SLC8A1: variants seen among roughly 807,000 people sequenced by gnomAD.
SLC8A1 encodes solute carrier family 8 member A1, also known as sodium/calcium exchanger 1.
Under a neutral mutation model 68.3 loss-of-function variants are expected in SLC8A1, and 18 were observed. The observed-to-expected ratio is 0.26, with a 90% confidence interval of 0.18 to 0.39. SLC8A1 has a LOEUF of 0.39. SLC8A1 is among the 10% of genes least tolerant of loss of function. The pLI, the probability that SLC8A1 is intolerant of heterozygous loss-of-function variation, is 1.00. For missense variants in SLC8A1, 985 were observed against 1,156.7 expected, an observed-to-expected ratio of 0.85 and a Z score of 2.15; for synonymous variants, 475 against 415.5, an observed-to-expected ratio of 1.14 and a Z score of -1.74.
chr2:40,467,155 G>T (rs537056539), intron 1 of SLC8A1, among the ~76,000 whole-genome samples: 3 of 152,104 alleles, frequency 2.0e-5, no homozygotes, highest in African/African-American at 7.2e-5. Context: ...AGAGCACAGT[G>T]CTTATGATGC....
At chr2:40,308,668 A>G (rs1332562891) in intron 2 of SLC8A1, among the ~76,000 whole-genome samples, 2 of 152,134 alleles carry the variant, frequency 1.3e-5, no homozygotes, top group African/African-American at 2.4e-5. Context: ...AACAAAATAA[A>G]AACAAACCTC....
chr2:40,265,727 G>C (rs976279710), intron 2 of SLC8A1, among the ~76,000 whole-genome samples: 1 of 152,132 alleles, frequency 6.6e-6, no homozygotes. Context: ...TGGAGCTGCT[G>C]CTTAGATGTT....
intron 2 of SLC8A1, among the ~76,000 whole-genome samples, chr2:40,291,726 C>G (rs979563297): frequency 6.6e-6 from 1 of 152,104 alleles, no homozygotes; most frequent in African/African-American, 2.4e-5. Context: ...CAATGTCTCT[C>G]AATGCACCTT....
intron 1 of SLC8A1, among the ~76,000 whole-genome samples, chr2:40,467,203 C>T (rs981690113): frequency 1.3e-5 from 2 of 152,146 alleles, no homozygotes; most frequent in African/African-American, 4.8e-5. Flanking sequence ...AAGGGTTGCT[C>T]AGCTTCAATT....
chr2:40,342,651 C>T (rs958130299), intron 2 of SLC8A1, among the ~76,000 whole-genome samples: 2 of 152,122 alleles, frequency 1.3e-5, no homozygotes, highest in African/African-American at 4.8e-5. Context: ...ATTTAGGGAA[C>T]TTATTTAAAA....
chr2:40,127,086 C>G (rs1378757311), intron 7 of SLC8A1, among the ~76,000 whole-genome samples: 1 of 152,120 alleles, frequency 6.6e-6, no homozygotes, highest in African/African-American at 2.4e-5. Context: ...ATTTGAGGAT[C>G]AAGAATGCCA....
chr2:40,442,707 G>A lies in SLC8A1; in HGVS notation c.-25+9197C>T, dbSNP rs867138144. On this transcript the variant is annotated intron_variant, in intron 1 of 7. Transcript: ENST00000406785. ...GGAATACAGTGTGGCAATTCCTCAA[G>A]GATCCAGAACCAGAAATACCATTTG... Among the ~76,000 whole-genome samples the A allele has an allele frequency of 8.5e-5, 13 of 152,250 alleles. No individual in the cohort carries two copies. In the South Asian group the frequency reaches 1.5e-3, roughly 17 times the overall value.
chr2:40,349,443 C>T (rs1670370348), intron 2 of SLC8A1, among the ~76,000 whole-genome samples: 1 of 152,200 alleles, frequency 6.6e-6, no homozygotes, highest in Non-Finnish European at 1.5e-5. Flanking sequence ...GAATAAAAGA[C>T]TTTCTAGTTA....
chr2:40,347,192 T>C (rs574140711), intron 2 of SLC8A1, among the ~76,000 whole-genome samples: 1 of 152,312 alleles, frequency 6.6e-6, no homozygotes, highest in African/African-American at 2.4e-5. Flanking sequence ...TAGACTGCAG[T>C]GGTGCAATCA....
exon 2 of SLC8A1, chr2:40,429,045 T>C: frequency 5.6e-6 from 9 of 1,612,366 alleles, no homozygotes; most frequent in Non-Finnish European, 7.6e-6. Flanking sequence ...ATGTCCCTTG[T>C]TCAAAGAAGA....
intron 2 of SLC8A1, among the ~76,000 whole-genome samples, chr2:40,398,997 T>C (rs1424333727): frequency 6.6e-6 from 1 of 152,136 alleles, no homozygotes; most frequent in South Asian, 2.1e-4. Flanking sequence ...CTTTTAAAAA[T>C]GAAATAAGGA....
At chr2:40,377,491 A>G (rs572903994) in intron 2 of SLC8A1, among the ~76,000 whole-genome samples, 1 of 152,218 alleles carries the variant, frequency 6.6e-6, no homozygotes, top group African/African-American at 2.4e-5. Context: ...ACCAACAAAA[A>G]GCTAATATAA....
rs149804195 is a variant in SLC8A1, at chr2:40,181,426, G to A, written c.1809-3571C>T. On this transcript the variant is annotated intron_variant, in intron 2 of 7. Transcript: ENST00000406785. ...TGAAGTACTTGATAACTATGATACT[G>A]GAAAAATCAAAGATGAAGAAAAAGA... 9.3e-4 allele frequency among the ~76,000 whole-genome samples: 142 copies of A among 152,230 alleles called. 2 individuals are homozygous for A. The East Asian group carries it at 0.022, about 24-fold the overall frequency.
intron 1 of SLC8A1, among the ~76,000 whole-genome samples, chr2:40,480,439 G>T (rs553036949): frequency 2.6e-5 from 4 of 152,278 alleles, no homozygotes; most frequent in East Asian, 1.9e-4. Context: ...CAGAAAGAAG[G>T]CACCCTCTAC....
At chr2:40,453,447 A>C (rs978379479), upstream of SLC8A1, 2 of 151,788 alleles carry the variant, frequency 1.3e-5, no homozygotes, top group African/African-American at 4.8e-5. Context: ...ATAGATTCTG[A>C]CTCCAGGAAC....
intron 2 of SLC8A1, among the ~76,000 whole-genome samples, chr2:40,179,379 G>A (rs149611247): frequency 3.9e-5 from 6 of 152,270 alleles, no homozygotes; most frequent in Admixed American, 6.5e-5. Flanking sequence ...GCCTTATGGC[G>A]CTATGGCTAT....
In SLC8A1 at chr2:40,180,201, G is replaced by A. The variant is rs1573653137; in HGVS notation, c.1809-2346C>T. 2.0e-5 allele frequency among the ~76,000 whole-genome samples: 3 copies of A among 146,682 alleles called. No homozygotes were observed. The South Asian group carries it at 6.5e-4, about 32-fold the overall frequency. ...TGTATACTGTAAACAGCTCCTTCCT[G>A]ACTTTTAGAATTATTTTTTAAATTT... On this transcript the variant is annotated intron_variant, in intron 2 of 7. Coordinates refer to ENST00000406785, the Ensembl canonical transcript of SLC8A1.
At chr2:40,167,855 T>A (rs988286500) in intron 4 of SLC8A1, among the ~76,000 whole-genome samples, 47 of 152,236 alleles carry the variant, frequency 3.1e-4, no homozygotes, top group Admixed American at 9.8e-4. Context: ...TTAAATTTTT[T>A]AATTATCTTT....
intron 2 of SLC8A1, among the ~76,000 whole-genome samples, chr2:40,277,794 GTATATATATATATATATATATATATA>G (rs56145701): frequency 1.9e-5 from 2 of 108,008 alleles, no homozygotes; most frequent in Non-Finnish European, 3.7e-5. Context: ...ATATATGTGT[GTATATATATATATATATATATATATA>G]TATATATATA....
Sources: allele counts gnomAD v4.1 joint callset (sites outside exome capture counted in the v4.1 genomes callset), GRCh38; gene constraint gnomAD v4.1.1; transcripts MANE v1.5; gene names NCBI Gene and HGNC (gene_info 2026-07-23, HGNC 2026-07-21).